Variants in CFAP54 observed in about 807,000 individuals in gnomAD.
CFAP54 encodes cilia and flagella associated protein 54.
Under a neutral mutation model 370.4 loss-of-function variants are expected in CFAP54, and 290 were observed. The ratio of observed to expected loss-of-function variants is 0.78; its 90% confidence interval spans 0.71 to 0.86. The LOEUF is 0.86. Among genes scored for constraint, CFAP54 ranks in the 40% least tolerant of loss-of-function variants. The pLI, the probability that CFAP54 is intolerant of heterozygous loss-of-function variation, is 0.00. For synonymous variants in CFAP54, 1,206 were observed against 1,236.5 expected (o/e 0.98, Z 0.52); for missense variants, 3,399 against 3,528.7 (o/e 0.96, Z 0.93).
At chr12:96,729,205 C>A (rs1957884343) in intron 50 of CFAP54, among the ~76,000 whole-genome samples, 1 of 152,192 alleles carries the variant, frequency 6.6e-6, no homozygotes, top group Non-Finnish European at 1.5e-5. Flanking sequence ...CTGCTCCCTT[C>A]AAAGCTGTCA....
chr12:96,516,980 G>C (rs1955243189), intron 5 of CFAP54, among the ~76,000 whole-genome samples: 1 of 151,350 alleles, frequency 6.6e-6, no homozygotes, highest in Non-Finnish European at 1.5e-5. Flanking sequence ...TTTAGATATG[G>C]ATATCATTTG....
At chr12:96,687,627 G>T (rs1347899014) in intron 42 of CFAP54, among the ~76,000 whole-genome samples, 1 of 152,138 alleles carries the variant, frequency 6.6e-6, no homozygotes, top group Non-Finnish European at 1.5e-5. Context: ...AGCATCTTCA[G>T]TCAGGGAAGT....
At chr12:96,665,299 G>A (rs532910777) in intron 39 of CFAP54, among the ~76,000 whole-genome samples, 2 of 152,106 alleles carry the variant, frequency 1.3e-5, no homozygotes, top group African/African-American at 4.8e-5. Context: ...AGTTTCTTTT[G>A]CTGTGCAAAA....
intron 40 of CFAP54, chr12:96,682,420 TG>T: frequency 9.4e-6 from 5 of 531,554 alleles, no homozygotes; most frequent in Non-Finnish European, 1.2e-5. Flanking sequence ...CAGGCTGGAG[TG>T]CAGTGGTGCC....
At chr12:96,636,372 TAAA>T (rs903215816) in intron 32 of CFAP54, among the ~76,000 whole-genome samples, 3 of 152,214 alleles carry the variant, frequency 2.0e-5, no homozygotes, top group Non-Finnish European at 4.4e-5. Context: ...CCATTTTATC[TAAA>T]AAATTATCCA....
chr12:96,796,507 G>A (rs1275234056), intron 63 of CFAP54, among the ~76,000 whole-genome samples: 1 of 152,116 alleles, frequency 6.6e-6, no homozygotes, highest in South Asian at 2.1e-4. Flanking sequence ...GAGAAATAGC[G>A]ATATCATTCT....
intron 38 of CFAP54, 86 bp from the exon 39 acceptor site, chr12:96,663,744 T>C: frequency 1.1e-6 from 1 of 915,142 alleles, no homozygotes; most frequent in Non-Finnish European, 1.7e-6. Flanking sequence ...TTCTGATAAA[T>C]AAAAAATGAG....
rs1337062740 is a variant in CFAP54 at position 96,718,501 on chromosome 12, G to A, written c.6783G>A (p.Glu2261=). 1.9e-6 allele frequency: 3 copies of A among 1,569,596 alleles called. No homozygotes were observed. Among genetic ancestry groups the A allele is most frequent in the African/African-American group, 2.7e-5 (2 of 73,954 alleles). Residue 2261 remains glutamate, a synonymous_variant, in exon 49 of 68, where the codon GAG becomes GAA. Coordinates refer to ENST00000524981, the MANE Select transcript of CFAP54 (RefSeq NM_001306084.2). ...ATAATCTTACAAAACTTAAAGATGAGATCACTCTTAGCATGCTAAAGGTAA... is the reference window on the plus strand; with the variant it reads ...ATAATCTTACAAAACTTAAAGATGAAATCACTCTTAGCATGCTAAAGGTAA... The part of the protein sequence containing the change: ...SFYNLTKLKD[E]ITLSMLKSML...
chr12:96,803,503 C>G (rs1437559301), intron 63 of CFAP54, among the ~76,000 whole-genome samples: 1 of 152,026 alleles, frequency 6.6e-6, no homozygotes. Flanking sequence ...ACATTTACCC[C>G]ACTGCTGCCA....
rs969836443 is a variant in CFAP54, at chr12:96,786,680, G to A, written c.8461G>A (p.Ala2821Thr). 1.3e-6 allele frequency: 2 copies of A among 1,528,378 alleles called. No individual in the cohort carries two copies. Among genetic ancestry groups the A allele is most frequent in the Non-Finnish European group, 1.8e-6 (2 of 1,142,106 alleles). 94.7% of individuals were successfully genotyped at this position (1,528,378 alleles called of 1,614,324 possible). A position where few individuals can be genotyped will look rare whatever the true frequency, so the allele number is the denominator to read the frequency against. ...INNLSKLLAS[A>T]TPVSGISLPD... is the part of the protein sequence containing the mutation. ...AGGTATTTTTCTTTCTTAAGCATCT[G>A]CAACACCAGTATCTGGAATTTCTTT... is the stretch of plus-strand genomic sequence containing the variant. The change falls in exon 62 of 68, where the codon GCA becomes ACA. Residue 2821 changes from alanine (A) to threonine (T), a missense_variant. By Grantham distance (58) the Ala-to-Thr change is moderately conservative. This residue lies in a region of CFAP54 where 2,796 missense variants were observed against 2,869.7 expected (regional missense o/e 0.97). Transcript: ENST00000524981.
In CFAP54 at chr12:96,515,778, C is replaced by T. The variant is rs77500248; in HGVS notation, c.798+2734C>T. 6.7e-3 allele frequency among the ~76,000 whole-genome samples: 1,024 copies of T among 152,048 alleles called. 8 individuals carry two copies. The highest frequency in any genetic ancestry group is 0.034 in the Middle Eastern group (10 of 294). Reference sequence around the variant, plus strand: ...TCCTGTGAAAGGCTTATGAGGTGGGCACTAGCATCATCATCATTAACATTG... The same window carrying T: ...TCCTGTGAAAGGCTTATGAGGTGGGTACTAGCATCATCATCATTAACATTG... On this transcript the variant is annotated intron_variant, in intron 5 of 67. Transcript: ENST00000524981.
At chr12:96,833,686 G>A (rs1428733131) in intron 66 of CFAP54, among the ~76,000 whole-genome samples, 1 of 151,942 alleles carries the variant, frequency 6.6e-6, no homozygotes, top group Non-Finnish European at 1.5e-5. Flanking sequence ...GTTTTTCTTG[G>A]CTGCTTGGGT....
Position 96,533,804 on chromosome 12 carries a change from G to T in CFAP54, c.1370G>T (p.Gly457Val), listed in dbSNP as rs1372986221. The T allele has an allele frequency of 2.6e-6, 4 of 1,521,122 alleles. No homozygotes were observed. In the East Asian group the frequency reaches 7.4e-5, roughly 28 times the overall value. 94.2% of individuals were successfully genotyped at this position (1,521,122 alleles called of 1,614,324 possible). ...GKELLIMSNI[G>V]ADGMLDFPKT... ...CTTCCTTTCCTAGTGTCAAATATTGGTGCAGATGGAATGCTTGATTTTCCA... is the reference window on the plus strand; with the variant it reads ...CTTCCTTTCCTAGTGTCAAATATTGTTGCAGATGGAATGCTTGATTTTCCA... Residue 457 changes from glycine to valine, a missense_variant, in exon 10 of 68, where the codon GGT becomes GTT. Around this residue, in one of 3 missense-constraint regions of CFAP54, gnomAD observed 559 missense variants for 576.7 expected, o/e 0.97. Coordinates refer to ENST00000524981, the MANE Select transcript of CFAP54 (RefSeq NM_001306084.2).
intron 39 of CFAP54, among the ~76,000 whole-genome samples, chr12:96,673,499 G>A (rs10860063): frequency 0.086 from 13,106 of 152,200 alleles, 968 homozygotes; most frequent in East Asian, 0.44. Context: ...ATCATTAAAA[G>A]GTTAGCATCC....
intron 19 of CFAP54, among the ~76,000 whole-genome samples, chr12:96,570,625 T>C (rs961997425): frequency 6.6e-6 from 1 of 152,216 alleles, no homozygotes; most frequent in Non-Finnish European, 1.5e-5. Context: ...ATTTATGCTC[T>C]CTTAAGATTC....
intron 27 of CFAP54, among the ~76,000 whole-genome samples, chr12:96,623,428 G>A (rs984494995): frequency 1.3e-5 from 2 of 152,202 alleles, no homozygotes; most frequent in African/African-American, 4.8e-5. Context: ...GGCAGGCTGG[G>A]AATTGTCTTT....
chr12:96,702,189 C>T (rs968552701), intron 46 of CFAP54, among the ~76,000 whole-genome samples: 2 of 151,878 alleles, frequency 1.3e-5, no homozygotes, highest in African/African-American at 2.4e-5. Context: ...AAGATTTTTT[C>T]GTGTACTGAG....
chr12:96,603,418 C>T (rs1001136119), intron 26 of CFAP54, among the ~76,000 whole-genome samples: 14 of 152,182 alleles, frequency 9.2e-5, no homozygotes, highest in Non-Finnish European at 1.9e-4. Flanking sequence ...TTTAGTGAAT[C>T]TGACAATTAT....
intron 26 of CFAP54, among the ~76,000 whole-genome samples, chr12:96,610,182 G>A (rs1374624501): frequency 6.6e-5 from 10 of 152,182 alleles, no homozygotes; most frequent in Admixed American, 6.5e-4. Flanking sequence ...TATGACAAAG[G>A]TAGCAATTTG....
Sources: gnomAD v4.1 joint callset for allele counts (sites outside exome capture counted in the v4.1 genomes callset) on GRCh38, gnomAD v4.1.1 for gene constraint, gnomAD v4.1.1 regional missense constraint, MANE v1.5 for transcripts, NCBI Gene and HGNC (gene_info 2026-07-23, HGNC 2026-07-21) for gene names.